The following CLECL1 variants were observed in gnomAD, a reference collection of about 807,000 sequenced individuals.
CLECL1 encodes the protein C-type lectin-like domain family 1.
chr12:9,725,186 T>C (rs1866363459), intron 3 of CLECL1, among the ~76,000 whole-genome samples: 1 of 152,172 alleles, frequency 6.6e-6, no homozygotes, highest in Non-Finnish European at 1.5e-5. Context: ...TTCAGGCTGA[T>C]GCGCAATGTT....
intron 3 of CLECL1, among the ~76,000 whole-genome samples, chr12:9,726,772 G>A (rs10844617): frequency 0.53 from 80,405 of 151,538 alleles, 21,591 homozygotes; most frequent in African/African-American, 0.6. Context: ...TTTATTTATT[G>A]TCTCCCTGTG....
intron 1 of CLECL1, among the ~76,000 whole-genome samples, chr12:9,730,770 A>G (rs777877994): frequency 5.9e-5 from 9 of 151,702 alleles, no homozygotes; most frequent in Non-Finnish European, 1.3e-4. Flanking sequence ...GCTCACTGCA[A>G]CCTCCACCTC....
chr12:9,705,076 A>AT, the CLECL1 span, among the ~76,000 whole-genome samples: 1 of 152,034 alleles, frequency 6.6e-6, no homozygotes, highest in Non-Finnish European at 1.5e-5. Context: ...AACATCTATT[A>AT]TTTTTTGACT....
the CLECL1 span, among the ~76,000 whole-genome samples, chr12:9,702,660 T>C: frequency 3.3e-5 from 5 of 152,348 alleles, no homozygotes; most frequent in East Asian, 5.8e-4. Flanking sequence ...CATTAAAATA[T>C]AGAGGTGGAA....
At chr12:9,716,914 A>C (rs1030823215) in intron 2 of CLECL1, 2 of 386,060 alleles carry the variant, frequency 5.2e-6, no homozygotes, top group Non-Finnish European at 9.5e-6. Flanking sequence ...GAAGTAAACC[A>C]CACCCCCACG....
chr12:9,703,396 T>TTATTTATA, the CLECL1 span, among the ~76,000 whole-genome samples: 6 of 151,630 alleles, frequency 4.0e-5, no homozygotes, highest in Admixed American at 2.6e-4. Context: ...ATTTATTTAT[T>TTATTTATA]TATTTATTTA....
chr12:9,732,376 T>C (rs1346668609), intron 1 of CLECL1, among the ~76,000 whole-genome samples: 1 of 152,232 alleles, frequency 6.6e-6, no homozygotes, highest in African/African-American at 2.4e-5. Context: ...TTGAGGGGGT[T>C]TGGTGATGAA....
rs140615426 is a variant in CLECL1, at chr12:9,730,840, T to A, written n.83-1164A>T. 2.2e-4 allele frequency among the ~76,000 whole-genome samples: 34 copies of A among 152,180 alleles called. 1 individual carries two copies. The East Asian group carries it at 6.6e-3, about 29-fold the overall frequency. On this transcript the variant is annotated intron_variant and non_coding_transcript_variant, in intron 1 of 3. Transcript: ENST00000621400. ...GAGTAGCTGTGAATACAGGCACGTG[T>A]CACCATGCTCGTTTTTAAAATTTTT...
downstream of CLECL1, among the ~76,000 whole-genome samples, chr12:9,721,261 G>C (rs1425653940): frequency 1.3e-5 from 2 of 151,732 alleles, no homozygotes; most frequent in Non-Finnish European, 2.9e-5. Flanking sequence ...GAGAACTTGA[G>C]AATAATCGCT....
downstream of CLECL1, among the ~76,000 whole-genome samples, chr12:9,720,135 T>C (rs1041563225): frequency 2.0e-5 from 3 of 152,122 alleles, no homozygotes; most frequent in East Asian, 5.8e-4. Context: ...ATATAGTCGT[T>C]GGTCCAGTGT....
chr12:9,730,893 C>G (rs1866439276), intron 1 of CLECL1, among the ~76,000 whole-genome samples: 1 of 152,078 alleles, frequency 6.6e-6, no homozygotes, highest in African/African-American at 2.4e-5. Context: ...TCTGTGTTGT[C>G]CAGGCTGGTA....
chr12:9,734,084 T>A (rs1591722231), upstream of CLECL1, among the ~76,000 whole-genome samples: 1 of 152,264 alleles, frequency 6.6e-6, no homozygotes, highest in East Asian at 1.9e-4. Flanking sequence ...AGCTTATGAC[T>A]AGTAGATTAA....
the CLECL1 span, among the ~76,000 whole-genome samples, chr12:9,708,232 C>T: frequency 1.3e-5 from 2 of 152,198 alleles, no homozygotes; most frequent in Non-Finnish European, 2.9e-5. Context: ...GGAGGGCCCA[C>T]TTGCACTAAG....
the CLECL1 span, among the ~76,000 whole-genome samples, chr12:9,702,890 A>G: frequency 1.3e-5 from 2 of 152,202 alleles, no homozygotes; most frequent in Admixed American, 1.3e-4. Flanking sequence ...TTCTCTTTTT[A>G]CCCTTACTTT....
the CLECL1 span, among the ~76,000 whole-genome samples, chr12:9,705,972 C>A: frequency 6.6e-6 from 1 of 152,150 alleles, no homozygotes; most frequent in East Asian, 1.9e-4. Flanking sequence ...GGAAGTACGG[C>A]CATTTTCAAG....
upstream of CLECL1, among the ~76,000 whole-genome samples, chr12:9,733,867 G>T (rs1475124077): frequency 3.9e-5 from 6 of 152,124 alleles, no homozygotes; most frequent in Admixed American, 1.3e-4. Context: ...TAACACAAAG[G>T]CTCAGGGTCC....
intron 2 of CLECL1, chr12:9,716,778 T>C: frequency 7.8e-7 from 1 of 1,276,066 alleles, no homozygotes; most frequent in Non-Finnish European, 1.0e-6. Context: ...ATTGGATTTC[T>C]AGATTTGAGA....
chr12:9,704,388 ATTAAG>A, the CLECL1 span, among the ~76,000 whole-genome samples: 1 of 152,206 alleles, frequency 6.6e-6, no homozygotes, highest in East Asian at 1.9e-4. Context: ...AGGAATAGGG[ATTAAG>A]TTATGTTCAT....
At chr12:9,720,737 G>C (rs1399466031), downstream of CLECL1, among the ~76,000 whole-genome samples, 5 of 152,170 alleles carry the variant, frequency 3.3e-5, no homozygotes, top group Non-Finnish European at 5.9e-5. Flanking sequence ...GTGAGAGTCT[G>C]GTGGAGTTTG....
Sources: allele counts gnomAD v4.1 joint callset (sites outside exome capture counted in the v4.1 genomes callset), GRCh38; gene constraint gnomAD v4.1.1; transcripts MANE v1.5; gene names NCBI Gene and HGNC (gene_info 2026-07-23, HGNC 2026-07-21).